ADGRV1: variants seen among roughly 807,000 people sequenced by gnomAD.
The protein encoded by ADGRV1 is G-protein coupled receptor 98.
A neutral mutation model predicts 596.2 loss-of-function variants in ADGRV1; 359 were observed. The ratio of observed to expected loss-of-function variants is 0.60; its 90% confidence interval spans 0.55 to 0.66. The LOEUF (loss-of-function observed/expected upper bound fraction) is 0.66. Among genes scored for constraint, ADGRV1 ranks in the 30% least tolerant of loss-of-function variants. The pLI is 0.00. For synonymous variants in ADGRV1, 2,681 were observed against 2,679.2 expected (o/e 1.00, Z -0.02); for missense variants, 7,274 against 7,575.6 (o/e 0.96, Z 1.48).
chr5:90,725,560 C>A lies in ADGRV1; in HGVS notation c.10065C>A (p.Ile3355=). ...SGFKLFLVQT[I]IILESSQVRY... Reference sequence around the variant, plus strand: ...CTCTGTCCTTGCAGGTACAAACAATCATTATTCTGGAAAGTTCTCAAGTAA... The same window carrying A: ...CTCTGTCCTTGCAGGTACAAACAATAATTATTCTGGAAAGTTCTCAAGTAA... The change falls in exon 48 of 90, where the codon ATC becomes ATA. Residue 3355 remains isoleucine (I), a synonymous_variant. Transcript: ENST00000405460. 3 of 1,539,488 alleles carry A rather than the reference C, an allele frequency of 1.9e-6. No individual in the cohort carries two copies. Among genetic ancestry groups the A allele is most frequent in the South Asian group, 2.2e-5 (2 of 89,166 alleles).
rs759222704 is a variant in ADGRV1, at chr5:90,653,754, G to T, written c.4180G>T (p.Val1394Leu). The T allele has an allele frequency of 1.9e-6, 3 of 1,612,976 alleles. No homozygotes were observed. The South Asian group carries it at 3.3e-5, about 18-fold the overall frequency. Residue 1394 changes from valine (V) to leucine (L), a missense_variant, in exon 20 of 90, where the codon GTG (valine) becomes TTG (leucine). Val to Leu is a conservative substitution (Grantham distance 32). This residue lies in a region of ADGRV1 where 1,715 missense variants were observed against 1,708.8 expected (regional missense o/e 1.00). Coordinates refer to ENST00000405460, the MANE Select transcript of ADGRV1 (RefSeq NM_032119.4). Reference protein sequence around the residue: ...GVKIQTNESHVTLSLHYKTLG... With the variant: ...GVKIQTNESHLTLSLHYKTLG... ...AAAAATACAAACAAACGAATCCCAT[G>T]TGACACTTTCCCTTCATTATAAAAC...
chr5:90,851,971 G>T (rs1766573769), intron 79 of ADGRV1, among the ~76,000 whole-genome samples: 1 of 152,130 alleles, frequency 6.6e-6, no homozygotes, highest in South Asian at 2.1e-4. Context: ...CATTGTATCT[G>T]GTCAGGGTGT....
At chr5:90,991,522 C>T (rs566801207) in intron 85 of ADGRV1, among the ~76,000 whole-genome samples, 12 of 152,238 alleles carry the variant, frequency 7.9e-5, no homozygotes, top group Non-Finnish European at 1.3e-4. Context: ...TGAGCTCATG[C>T]AATTTTCCCA....
At chr5:91,055,593 A>G (rs1786769275) in intron 85 of ADGRV1, among the ~76,000 whole-genome samples, 1 of 152,214 alleles carries the variant, frequency 6.6e-6, no homozygotes, top group Non-Finnish European at 1.5e-5. Context: ...ATTAAAAAGC[A>G]GTGCTGGTGC....
intron 83 of ADGRV1, among the ~76,000 whole-genome samples, chr5:90,958,684 T>G (rs1295513195): frequency 1.3e-5 from 2 of 152,196 alleles, no homozygotes; most frequent in Non-Finnish European, 2.9e-5. Context: ...TCTGTGCATG[T>G]GCGTGTCTGT....
At chr5:90,614,280 T>C (rs775979312) in intron 1 of ADGRV1, 1 of 339,924 alleles carries the variant, frequency 2.9e-6, no homozygotes, top group South Asian at 2.4e-5. Flanking sequence ...ATGAAAGAAA[T>C]TTAAGTCCTG....
rs773762267 is a variant in ADGRV1, at chr5:90,652,405, A to G, written c.3476A>G (p.Asn1159Ser). Residue 1159 changes from asparagine (N) to serine (S), a missense_variant, in exon 19 of 90, where the codon AAT (asparagine) becomes AGT (serine). Coordinates refer to ENST00000405460, the MANE Select transcript of ADGRV1 (RefSeq NM_032119.4). ...SVSVSWQLFQ[N>S]DSALQPGQEF... ...TCTGTATCTTGGCAGCTCTTTCAGAATGATTCTGCTTTGCAGCCTGGGCAG... is the reference window on the plus strand; with the variant it reads ...TCTGTATCTTGGCAGCTCTTTCAGAGTGATTCTGCTTTGCAGCCTGGGCAG... 3.1e-6 allele frequency: 5 copies of G among 1,611,754 alleles called. No homozygotes were observed. The highest frequency in any genetic ancestry group is 1.7e-5 in the Admixed American group (1 of 59,958).
At chr5:90,787,798 C>T (rs997884954) in intron 67 of ADGRV1, among the ~76,000 whole-genome samples, 1 of 151,780 alleles carries the variant, frequency 6.6e-6, no homozygotes, top group Non-Finnish European at 1.5e-5. Context: ...ACCATGTTGG[C>T]CAGGTTGGTC....
chr5:90,797,029 A>G (rs181531853), intron 70 of ADGRV1, among the ~76,000 whole-genome samples: 14 of 152,004 alleles, frequency 9.2e-5, no homozygotes, highest in African/African-American at 3.4e-4. Flanking sequence ...ACCAAATTAT[A>G]AAGACCATCG....
In ADGRV1 at chr5:90,733,401, G is replaced by A. The variant is rs187322123; in HGVS notation, c.10549+3637G>A. Reference sequence around the variant, plus strand: ...AATCAGAAAGAAATTGGAGTTAAAGGTTTGGATTTTGGAGACATCCATGCG... The same window carrying A: ...AATCAGAAAGAAATTGGAGTTAAAGATTTGGATTTTGGAGACATCCATGCG... On this transcript the variant is annotated intron_variant, in intron 50 of 89. Transcript: ENST00000405460. Among the ~76,000 whole-genome samples, 4 of 152,266 alleles carry A rather than the reference G, an allele frequency of 2.6e-5. No homozygotes were observed. The East Asian group carries it at 7.7e-4, about 29-fold the overall frequency.
In ADGRV1 at chr5:90,647,615, CAAGA is replaced by C. The variant is rs1407649293; in HGVS notation, c.3141_3144del (p.Arg1050IlefsTer40). Reference sequence around the variant, plus strand: ...GCTACCAAGGATGGGAAGGCTACTGCAAGAGAGAGAGATTTCATTCCTGTTGAAA... The same window carrying C: ...GCTACCAAGGATGGGAAGGCTACTGCGAGAGAGATTTCATTCCTGTTGAAA... On this transcript the variant is annotated frameshift_variant, in exon 17 of 90. Transcript: ENST00000405460. LOFTEE classifies it high-confidence loss of function. The C allele has an allele frequency of 1.2e-6, 2 of 1,612,960 alleles. No individual in the cohort carries two copies.
In ADGRV1 at chr5:91,070,071, C is replaced by T. The variant is rs545019590; in HGVS notation, c.18153-2376C>T. ...AAGCTAAGCATTGGGTACTCTTGGA[C>T]GTAAAGATGGCAACAGTCACTGGAA... On this transcript the variant is annotated intron_variant, in intron 85 of 89. Coordinates refer to ENST00000405460, the MANE Select transcript of ADGRV1 (RefSeq NM_032119.4). Among the ~76,000 whole-genome samples the T allele has an allele frequency of 3.3e-5, 5 of 152,106 alleles. 1 individual carries two copies. Among genetic ancestry groups the T allele is most frequent in the South Asian group, 2.1e-4 (1 of 4,808 alleles).
At chr5:91,087,563 A>C (rs762780545) in intron 86 of ADGRV1, among the ~76,000 whole-genome samples, 1 of 152,064 alleles carries the variant, frequency 6.6e-6, no homozygotes, top group Non-Finnish European at 1.5e-5. Context: ...CGGCCTCCCG[A>C]AGTGAATGTA....
At chr5:91,120,361 A>T (rs575447248) in intron 87 of ADGRV1, among the ~76,000 whole-genome samples, 1 of 152,278 alleles carries the variant, frequency 6.6e-6, no homozygotes, top group East Asian at 1.9e-4. Flanking sequence ...AGTATTTAAG[A>T]CAACTTTTAA....
At chr5:90,829,267 T>C (rs976508760) in intron 77 of ADGRV1, 81 bp downstream of exon 77, 3 of 1,114,322 alleles carry the variant, frequency 2.7e-6, no homozygotes, top group African/African-American at 3.1e-5. Context: ...AGGGAATAAT[T>C]GATACATTAT....
intron 1 of ADGRV1, among the ~76,000 whole-genome samples, chr5:90,594,562 G>A (rs1760001090): frequency 7.1e-6 from 1 of 140,900 alleles, no homozygotes; most frequent in Admixed American, 6.9e-5. Flanking sequence ...TAGGACAATA[G>A]TGGAGGGAAG....
chr5:90,850,824 T>C (rs1178068528), intron 79 of ADGRV1: 1 of 152,054 alleles, frequency 6.6e-6, no homozygotes, highest in East Asian at 1.9e-4. Context: ...AGAGTGGCCT[T>C]TTCTGTTTTG....
chr5:90,991,358 T>C (rs1780944789), intron 85 of ADGRV1, among the ~76,000 whole-genome samples: 2 of 152,248 alleles, frequency 1.3e-5, no homozygotes, highest in Non-Finnish European at 1.5e-5. Flanking sequence ...TGAATTCTCT[T>C]ATGCCTAAGC....
At position 91,144,137 on chromosome 5, in the gene ADGRV1, G is replaced by C. The variant is rs74388584; in HGVS notation, c.18433-5893G>C. On this transcript the variant is annotated intron_variant, in intron 87 of 89. Transcript: ENST00000405460. ...ATGCCCAGGTCTGCAGCTGCAGCTT[G>C]GGTGGCTGCAGTGGCACCTGCCTGC... is the stretch of plus-strand genomic sequence containing the variant. Among the ~76,000 whole-genome samples, 700 of 152,258 alleles carry C rather than the reference G, an allele frequency of 4.6e-3. 47 individuals carry two copies. In the East Asian group the frequency reaches 0.12, roughly 26 times the overall value.
Sources: allele counts gnomAD v4.1 joint callset (sites outside exome capture counted in the v4.1 genomes callset), GRCh38; gene constraint gnomAD v4.1.1; regional missense constraint gnomAD v4.1.1; transcripts MANE v1.5; gene names NCBI Gene and HGNC (gene_info 2026-07-23, HGNC 2026-07-21).